Variants in GNG7 observed in about 807,000 individuals in gnomAD.
GNG7 encodes G protein subunit gamma 7, also known as guanine nucleotide-binding protein G(I)/G(S)/G(O) subunit gamma-7.
GNG7 carries 1 observed loss-of-function variant against 4.0 expected under a neutral mutation model. The observed-to-expected ratio is 0.25, with a 90% confidence interval of 0.09 to 1.18. GNG7 has a LOEUF of 1.18. GNG7 is among the 50% of genes most tolerant of loss of function. GNG7 has a pLI of 0.50. For missense variants in GNG7, 86 were observed against 91.9 expected (o/e 0.94, Z 0.26); for synonymous variants, 34 against 36.9 (o/e 0.92, Z 0.29).
At chr19:2,541,807 C>T (rs1419562197) in intron 3 of GNG7, among the ~76,000 whole-genome samples, 6 of 151,086 alleles carry the variant, frequency 4.0e-5, no homozygotes, top group Admixed American at 2.0e-4. Context: ...TCAGCTACTC[C>T]GGGAGGCTGA....
chr19:2,654,736 C>T (rs116880231), intron 1 of GNG7, among the ~76,000 whole-genome samples: 15 of 111,484 alleles, frequency 1.3e-4, no homozygotes, highest in African/African-American at 3.5e-4. Context: ...TGAGCAGAGA[C>T]GCAATTCAAT....
intron 2 of GNG7, among the ~76,000 whole-genome samples, chr19:2,602,248 G>A (rs2965209): frequency 0.87 from 131,699 of 152,068 alleles, 57,203 homozygotes; most frequent in Middle Eastern, 0.93. Context: ...GAGACAGGAG[G>A]ATTGCTTGAA....
intron 1 of GNG7, among the ~76,000 whole-genome samples, chr19:2,692,374 G>A (rs1045546570): frequency 4.0e-5 from 6 of 151,514 alleles, no homozygotes; most frequent in East Asian, 1.9e-4. Context: ...GGTGGCTCAC[G>A]CCTGTAATCC....
intron 1 of GNG7, among the ~76,000 whole-genome samples, chr19:2,689,175 A>C (rs1568285684): frequency 6.7e-6 from 1 of 148,238 alleles, no homozygotes; most frequent in Non-Finnish European, 1.5e-5. Context: ...ATAAGAAAAA[A>C]ATAAACAAAA....
At chr19:2,657,361 A>AAAAAAAATAT (rs1555701153) in intron 1 of GNG7, among the ~76,000 whole-genome samples, 1 of 16,332 alleles carries the variant, frequency 6.1e-5, no homozygotes. Flanking sequence ...AAAAAAAAAA[A>AAAAAAAATAT]ATATATATAT....
rs144582995 is a variant in GNG7, at chr19:2,594,516, G to A, written c.-77-39328C>T. ...AAATTTCAAACACAGCCTGAAGCAC[G>A]CAGGCCAGGACGAGGTCTCTCTGAG... On this transcript the variant is annotated intron_variant, in intron 2 of 4. Coordinates refer to ENST00000382159, the MANE Select transcript of GNG7 (RefSeq NM_052847.3). 9.2e-5 allele frequency among the ~76,000 whole-genome samples: 14 copies of A among 152,266 alleles called. No homozygotes were observed. The East Asian group carries it at 9.6e-4, about 10-fold the overall frequency.
At chr19:2,577,138 C>T (rs935078963) in intron 2 of GNG7, among the ~76,000 whole-genome samples, 2 of 152,224 alleles carry the variant, frequency 1.3e-5, no homozygotes, top group Non-Finnish European at 1.5e-5. Flanking sequence ...CTCTGTGTTG[C>T]GTAACCAATT....
chr19:2,615,436 TTTTC>T (rs1003932473), intron 2 of GNG7, among the ~76,000 whole-genome samples: 2 of 149,356 alleles, frequency 1.3e-5, no homozygotes, highest in Non-Finnish European at 1.5e-5. Context: ...CCTCATCCTA[TTTTC>T]TTTGTCTTTT....
intron 2 of GNG7, among the ~76,000 whole-genome samples, chr19:2,619,395 C>A (rs1440922726): frequency 6.6e-6 from 1 of 152,212 alleles, no homozygotes; most frequent in East Asian, 1.9e-4. Context: ...AAAACATTTG[C>A]CATCTGGATC....
chr19:2,673,264 AAAAC>A lies in GNG7; in HGVS notation c.-134-26988_-134-26985del, dbSNP rs1437313233. Among the ~76,000 whole-genome samples, 1,064 of 143,724 alleles carry A rather than the reference AAAAC, an allele frequency of 7.4e-3. 19 individuals carry two copies. Among genetic ancestry groups the A allele is most frequent in the African/African-American group, 0.028 (1,013 of 36,316 alleles). The allele number at this position is 143,724 out of a possible 152,430, so 94.3% of individuals were successfully genotyped here. On this transcript the variant is annotated intron_variant, in intron 1 of 4. Transcript: ENST00000382159. Reference sequence around the variant, plus strand: ...CAGAGCGAGATTCCATCTCAAAAAAAAAACAAAACAAAACAAAACAAAACAAAAA... The same window carrying A: ...CAGAGCGAGATTCCATCTCAAAAAAAAAAACAAAACAAAACAAAACAAAAA...
intron 2 of GNG7, among the ~76,000 whole-genome samples, chr19:2,604,562 G>C: frequency 7.3e-6 from 1 of 136,964 alleles, no homozygotes; most frequent in East Asian, 2.2e-4. Context: ...GGAAGGAAGC[G>C]AGGGACAGAG....
intron 3 of GNG7, among the ~76,000 whole-genome samples, chr19:2,548,017 C>A (rs1979184404): frequency 6.6e-6 from 1 of 152,132 alleles, no homozygotes. Flanking sequence ...CAGGTCACAT[C>A]ATCAGAATGG....
In GNG7 at chr19:2,585,032, G is replaced by C. The variant is rs566753018; in HGVS notation, c.-77-29844C>G. On this transcript the variant is annotated intron_variant, in intron 2 of 4. Coordinates refer to ENST00000382159, the MANE Select transcript of GNG7 (RefSeq NM_052847.3). Reference sequence around the variant, plus strand: ...GGAAAGAAGGAAGGAGGGAGGGAGGGACGGAGGGAGGGAGGGAAGGAAGGA... The same window carrying C: ...GGAAAGAAGGAAGGAGGGAGGGAGGCACGGAGGGAGGGAGGGAAGGAAGGA... Among the ~76,000 whole-genome samples the C allele has an allele frequency of 4.4e-5, 5 of 112,474 alleles. No individual in the cohort carries two copies. In the East Asian group the frequency reaches 1.3e-3, roughly 29 times the overall value. The allele number at this position is 112,474 out of a possible 152,430, so 73.8% of individuals were successfully genotyped here. A position where few individuals can be genotyped will look rare whatever the true frequency, so the allele number is the denominator to read the frequency against.
At chr19:2,652,386 G>A (rs374559144) in intron 1 of GNG7, among the ~76,000 whole-genome samples, 72 of 152,040 alleles carry the variant, frequency 4.7e-4, no homozygotes, top group African/African-American at 1.6e-3. Context: ...TTGGGAGGCC[G>A]AGGCGGGTAA....
rs140881431 is a variant in GNG7, at chr19:2,607,493, C to T, written c.-78+38731G>A. ...GCAGTGAGCCGAGATCGCACCATTG[C>T]ACTCCAGCCTGGGCGACAAGAGTGA... On this transcript the variant is annotated intron_variant, in intron 2 of 4. Transcript: ENST00000382159. Among the ~76,000 whole-genome samples, 919 of 144,232 alleles carry T rather than the reference C, an allele frequency of 6.4e-3. 12 individuals are homozygous for T. The highest frequency in any genetic ancestry group is 0.022 in the African/African-American group (856 of 38,430). The allele number at this position is 144,232 out of a possible 152,430, so 94.6% of individuals were successfully genotyped here. A position where few individuals can be genotyped will look rare whatever the true frequency, so the allele number is the denominator to read the frequency against.
intron 2 of GNG7, among the ~76,000 whole-genome samples, chr19:2,581,102 C>A (rs573981330): frequency 4.3e-4 from 66 of 152,168 alleles, no homozygotes; most frequent in African/African-American, 1.5e-3. Context: ...GTGTCTTCTT[C>A]CCTCGTCTTC....
intron 2 of GNG7, among the ~76,000 whole-genome samples, chr19:2,568,468 ATG>A (rs1980020836): frequency 6.6e-6 from 1 of 150,602 alleles, no homozygotes; most frequent in Admixed American, 6.6e-5. Flanking sequence ...ACACACACAC[ATG>A]CACATACACA....
intron 2 of GNG7, among the ~76,000 whole-genome samples, chr19:2,556,674 C>T (rs1979554588): frequency 6.6e-6 from 1 of 152,124 alleles, no homozygotes; most frequent in South Asian, 2.1e-4. Context: ...GCTGGGGAGG[C>T]CGAGTCCCGG....
At position 2,612,706 on chromosome 19, in the gene GNG7, A is replaced by ATTTTT. The variant is rs1568262802; in HGVS notation, c.-78+33517_-78+33518insAAAAA. ...TTAGAATTTTTTTTTTTTTTTGAGA[A>ATTTTT]ATTTTTTTTTTTTTTTTGAGAGTCT... On this transcript the variant is annotated intron_variant, in intron 2 of 4. Transcript: ENST00000382159. 2.8e-4 allele frequency among the ~76,000 whole-genome samples: 33 copies of ATTTTT among 118,426 alleles called. 1 individual carries two copies. The highest frequency in any genetic ancestry group is 1.4e-3 in the African/African-American group (30 of 21,598). The allele number at this position is 118,426 out of a possible 152,430, so 77.7% of individuals were successfully genotyped here. A position where few individuals can be genotyped will look rare whatever the true frequency, so the allele number is the denominator to read the frequency against.
Sources: allele counts gnomAD v4.1 joint callset (sites outside exome capture counted in the v4.1 genomes callset), GRCh38; gene constraint gnomAD v4.1.1; transcripts MANE v1.5; gene names NCBI Gene and HGNC (gene_info 2026-07-23, HGNC 2026-07-21).